Variants in PEPD observed in about 807,000 individuals in gnomAD.
The protein encoded by PEPD is peptidase D.
A neutral mutation model predicts 60.7 loss-of-function variants in PEPD; 53 were observed. The ratio of observed to expected loss-of-function variants is 0.87; its 90% confidence interval spans 0.70 to 1.10. The LOEUF (loss-of-function observed/expected upper bound fraction) is 1.10, where lower values mean the gene tolerates loss of function less well. Among genes scored for constraint, PEPD ranks in the 50% least tolerant of loss-of-function variants. PEPD has a pLI of 0.00. For synonymous variants in PEPD, 267 were observed against 284.1 expected, an observed-to-expected ratio of 0.94 and a Z score of 0.60; for missense variants, 711 against 711.9, an observed-to-expected ratio of 1.00 and a Z score of 0.01.
At chr19:33,490,364 A>G (rs1252715815) in intron 5 of PEPD, among the ~76,000 whole-genome samples, 1 of 152,234 alleles carries the variant, frequency 6.6e-6, no homozygotes, top group Non-Finnish European at 1.5e-5. Context: ...CTGCCCAGGC[A>G]CAGGCGAGGA....
chr19:33,387,621 T>A, intron 14 of PEPD, 140 bp from the exon 15 acceptor site: 11 of 1,088,256 alleles, frequency 1.0e-5, no homozygotes, highest in Non-Finnish European at 1.5e-5. Flanking sequence ...TCCGGGCTCC[T>A]TCATGGAGCC....
At chr19:33,450,540 C>A (rs538602325) in intron 9 of PEPD, among the ~76,000 whole-genome samples, 85 of 152,242 alleles carry the variant, frequency 5.6e-4, no homozygotes, top group African/African-American at 2.0e-3. Context: ...AACAAAAGAA[C>A]CCTCCAACAA....
intron 12 of PEPD, among the ~76,000 whole-genome samples, chr19:33,394,631 A>C (rs1968321825): frequency 2.0e-5 from 3 of 152,196 alleles, no homozygotes; most frequent in Non-Finnish European, 2.9e-5. Context: ...TCCTTGCACT[A>C]GGCTGGCAGG....
At chr19:33,497,275 T>C (rs1600163633) in intron 4 of PEPD, among the ~76,000 whole-genome samples, 1 of 152,348 alleles carries the variant, frequency 6.6e-6, no homozygotes, top group Non-Finnish European at 1.5e-5. Flanking sequence ...GTCCTGCCTG[T>C]AGCAGACTTG....
rs900353727 is a variant in PEPD, at chr19:33,434,913, G to A, written c.672-21270C>T. Among the ~76,000 whole-genome samples the A allele has an allele frequency of 2.6e-5, 4 of 152,068 alleles. No homozygotes were observed. In the East Asian group the frequency reaches 7.7e-4, roughly 29 times the overall value. On this transcript the variant is annotated intron_variant, in intron 9 of 14. Coordinates refer to ENST00000244137, the MANE Select transcript of PEPD (RefSeq NM_000285.4). ...CAGGGCACTCAGGTGTTAAGGTTGG[G>A]GGGTGGTGGGGTGGAGGGGGCAGGT... is the stretch of plus-strand genomic sequence containing the variant.
intron 7 of PEPD, among the ~76,000 whole-genome samples, chr19:33,464,838 C>T (rs1396229990): frequency 3.9e-5 from 6 of 152,120 alleles, no homozygotes; most frequent in South Asian, 2.1e-4. Flanking sequence ...ATCTCACCCG[C>T]GAGTAAGACC....
rs190640994 is a variant in PEPD, at chr19:33,492,103, C to T, written c.441+1187G>A. ...TCACTTTGGGGGGAAGGCTTGTGGA[C>T]ATGCCTCTTATATGAAACTCCCAAG... On this transcript the variant is annotated intron_variant, in intron 5 of 14. Coordinates refer to ENST00000244137, the MANE Select transcript of PEPD (RefSeq NM_000285.4). Among the ~76,000 whole-genome samples, 577 of 148,684 alleles carry T rather than the reference C, an allele frequency of 3.9e-3. 2 individuals carry two copies. Among genetic ancestry groups the T allele is most frequent in the African/African-American group, 0.014 (560 of 40,208 alleles).
chr19:33,470,997 A>C (rs774062028), intron 7 of PEPD, among the ~76,000 whole-genome samples: 1 of 152,212 alleles, frequency 6.6e-6, no homozygotes, highest in African/African-American at 2.4e-5. Context: ...GGTGATGAGC[A>C]GGAAGAGGTC....
chr19:33,445,402 G>C (rs1969572726), intron 9 of PEPD, among the ~76,000 whole-genome samples: 1 of 152,230 alleles, frequency 6.6e-6, no homozygotes, highest in South Asian at 2.1e-4. Context: ...TTTGGAGACG[G>C]TGCTTTAAAC....
At chr19:33,469,106 T>G (rs997922829) in intron 7 of PEPD, among the ~76,000 whole-genome samples, 15 of 152,300 alleles carry the variant, frequency 9.8e-5, no homozygotes, top group Middle Eastern at 3.4e-3. Flanking sequence ...GGTGACAGCA[T>G]GGGTGAGGGC....
At chr19:33,419,513 C>G (rs1019251790) in intron 9 of PEPD, among the ~76,000 whole-genome samples, 2 of 152,204 alleles carry the variant, frequency 1.3e-5, no homozygotes, top group African/African-American at 4.8e-5. Context: ...GTCAGGAAAC[C>G]CACTGAATCC....
At chr19:33,473,453 T>A (rs1000752415) in intron 7 of PEPD, among the ~76,000 whole-genome samples, 1 of 152,186 alleles carries the variant, frequency 6.6e-6, no homozygotes, top group Non-Finnish European at 1.5e-5. Context: ...ATAGACATGT[T>A]ACCCACCGCC....
intron 5 of PEPD, among the ~76,000 whole-genome samples, chr19:33,491,779 T>C (rs1442097889): frequency 6.6e-6 from 1 of 152,114 alleles, no homozygotes; most frequent in Non-Finnish European, 1.5e-5. Flanking sequence ...TAAAAACACT[T>C]TTAAATAAGG....
chr19:33,456,869 C>T (rs1568481099), intron 9 of PEPD, among the ~76,000 whole-genome samples: 1 of 151,870 alleles, frequency 6.6e-6, no homozygotes, highest in African/African-American at 2.4e-5. Context: ...CAGACTGTGC[C>T]TGGATGATGG....
chr19:33,473,670 TTTCCCACCTTGCC>T (rs1352146994), intron 7 of PEPD, among the ~76,000 whole-genome samples: 2 of 152,220 alleles, frequency 1.3e-5, no homozygotes, highest in Non-Finnish European at 2.9e-5. Flanking sequence ...TCTCCTTTTA[TTTCCCACCTTGCC>T]TTCAGATCAA....
At chr19:33,478,328 G>A (rs1461824008) in intron 6 of PEPD, among the ~76,000 whole-genome samples, 2 of 152,102 alleles carry the variant, frequency 1.3e-5, no homozygotes, top group Non-Finnish European at 2.9e-5. Flanking sequence ...CAAAACACCA[G>A]CCCTGATCCC....
chr19:33,444,111 G>A (rs1243469632), intron 9 of PEPD, among the ~76,000 whole-genome samples: 1 of 152,174 alleles, frequency 6.6e-6, no homozygotes, highest in Non-Finnish European at 1.5e-5. Flanking sequence ...GGCGGGTAGG[G>A]CGAGAAGAGT....
In PEPD at chr19:33,503,594, C is replaced by T. The variant is rs141905695; in HGVS notation, c.330-2593G>A. ...CTTTGCTACTGAGCAACCACACTCT[C>T]AGCACCGAGTTGACCCCACAGCCCG... On this transcript the variant is annotated intron_variant, in intron 3 of 14. Transcript: ENST00000244137. Among the ~76,000 whole-genome samples the T allele has an allele frequency of 4.8e-3, 725 of 152,318 alleles. 1 individual carries two copies. The highest frequency in any genetic ancestry group is 7.3e-3 in the Non-Finnish European group (495 of 68,026).
intron 10 of PEPD, among the ~76,000 whole-genome samples, chr19:33,412,081 CGCCTG>C (rs1290867696): frequency 6.6e-6 from 1 of 152,224 alleles, no homozygotes; most frequent in Non-Finnish European, 1.5e-5. Context: ...TGGTGGCTCA[CGCCTG>C]TCATGCCAGC....
Sources: allele counts gnomAD v4.1 joint callset (sites outside exome capture counted in the v4.1 genomes callset), GRCh38; gene constraint gnomAD v4.1.1; transcripts MANE v1.5; gene names NCBI Gene and HGNC (gene_info 2026-07-23, HGNC 2026-07-21).